SRBD1: variants seen among roughly 807,000 people sequenced by gnomAD.
SRBD1 encodes the protein S1 RNA-binding domain-containing protein 1.
SRBD1 carries 88 observed loss-of-function variants against 115.3 expected under a neutral mutation model. The observed-to-expected ratio is 0.76, with a 90% CI of 0.64 to 0.91. The LOEUF (loss-of-function observed/expected upper bound fraction) is 0.91, where lower values mean the gene tolerates loss of function less well. Ranked by LOEUF, SRBD1 falls within the 40% of genes least tolerant of loss-of-function variation. SRBD1 has a pLI of 0.00. For synonymous variants in SRBD1, 509 were observed against 407.7 expected (o/e 1.25, Z -2.99); for missense variants, 1,385 against 1,177.4 (o/e 1.18, Z -2.58).
At chr2:45,447,915 C>T (rs1187890727) in intron 16 of SRBD1, 2 of 152,094 alleles carry the variant, frequency 1.3e-5, no homozygotes, top group East Asian at 3.9e-4. Context: ...TCTTAACATA[C>T]AACATACAAC....
chr2:45,446,418 GGCAAAAATTCT>G lies in SRBD1; in HGVS notation c.2050-26535_2050-26525del, dbSNP rs139939116. ...ACTGAGGTAGGAGAACAAGAGAAGA[GGCAAAAATTCT>G]GCCATACCCTACCACAATTGAATCT... On this transcript the variant is annotated intron_variant, in intron 16 of 20. Transcript: ENST00000263736. Among the ~76,000 whole-genome samples, 1,103 of 152,094 alleles carry G rather than the reference GGCAAAAATTCT, an allele frequency of 7.3e-3. 14 individuals are homozygous for G. The highest frequency in any genetic ancestry group is 0.025 in the African/African-American group (1,056 of 41,506).
At chr2:45,574,969 C>A (rs938343370) in intron 7 of SRBD1, among the ~76,000 whole-genome samples, 2 of 152,156 alleles carry the variant, frequency 1.3e-5, no homozygotes, top group African/African-American at 2.4e-5. Context: ...CTGGAGCCAG[C>A]TGCCTTGTCG....
At chr2:45,393,755 T>C (rs1667071112) in intron 19 of SRBD1, among the ~76,000 whole-genome samples, 1 of 152,226 alleles carries the variant, frequency 6.6e-6, no homozygotes, top group Non-Finnish European at 1.5e-5. Flanking sequence ...ATCTGTTCCC[T>C]ACAATTTCAA....
At chr2:45,471,104 A>G (rs1428144193) in intron 16 of SRBD1, among the ~76,000 whole-genome samples, 1 of 152,204 alleles carries the variant, frequency 6.6e-6, no homozygotes, top group African/African-American at 2.4e-5. Context: ...AGTCCAGACT[A>G]AAAATAAATT....
chr2:45,427,084 A>G (rs13423490), intron 16 of SRBD1, among the ~76,000 whole-genome samples: 12,827 of 152,248 alleles, frequency 0.084, 722 homozygotes, highest in African/African-American at 0.15. Context: ...AACCCAATAC[A>G]AGGAAACTAA....
At chr2:45,479,057 T>C (rs555861674) in intron 15 of SRBD1, among the ~76,000 whole-genome samples, 6 of 152,284 alleles carry the variant, frequency 3.9e-5, no homozygotes, top group African/African-American at 4.8e-5. Flanking sequence ...GATATCACTA[T>C]TGTAATTGCT....
At chr2:45,439,792 GAA>G (rs11347213) in intron 16 of SRBD1, among the ~76,000 whole-genome samples, 3 of 142,596 alleles carry the variant, frequency 2.1e-5, no homozygotes, top group African/African-American at 7.6e-5. Flanking sequence ...AGATCATACC[GAA>G]AAAAAAAAAG....
intron 14 of SRBD1, among the ~76,000 whole-genome samples, chr2:45,545,311 A>AAAAAAAAAAAAAAAAAAAAAC (rs1558468100): frequency 7.0e-6 from 1 of 143,628 alleles, no homozygotes; most frequent in African/African-American, 2.7e-5. Context: ...AAAAAAAAAA[A>AAAAAAAAAAAAAAAAAAAAAC]AAAACAGATG....
At chr2:45,555,348 C>A (rs1272322302) in intron 10 of SRBD1, among the ~76,000 whole-genome samples, 2 of 152,136 alleles carry the variant, frequency 1.3e-5, no homozygotes, top group Non-Finnish European at 1.5e-5. Flanking sequence ...TGCACCACTG[C>A]ACTACAGCTA....
chr2:45,578,768 T>C (rs1038905065), intron 7 of SRBD1, among the ~76,000 whole-genome samples: 5 of 152,000 alleles, frequency 3.3e-5, no homozygotes, highest in African/African-American at 1.2e-4. Flanking sequence ...AAGACTAGAG[T>C]TCTAACATAC....
chr2:45,599,727 G>A lies in SRBD1; in HGVS notation c.370C>T (p.Pro124Ser). The change falls in exon 4 of 21, where the codon CCA (proline) becomes TCA (serine). Residue 124 changes from proline to serine, a missense_variant. Transcript: ENST00000263736. ...TTTTTAGTCCTTCGAACTGTATGTG[G>A]CTGCGCTGCACATTTCTGTTTTGTC... Reference protein sequence around the residue: ...AKTKQKCAAQPHTVRRTKKLK... With the variant: ...AKTKQKCAAQSHTVRRTKKLK... 6.2e-7 allele frequency: 1 copy of A among 1,614,138 alleles called. No homozygotes were observed. The highest frequency in any genetic ancestry group is 8.5e-7 in the Non-Finnish European group (1 of 1,180,038).
At chr2:45,590,566 A>C (rs1673688855) in intron 4 of SRBD1, among the ~76,000 whole-genome samples, 1 of 152,196 alleles carries the variant, frequency 6.6e-6, no homozygotes, top group African/African-American at 2.4e-5. Flanking sequence ...ATAATGAGTG[A>C]GTCTTACAAG....
intron 16 of SRBD1, among the ~76,000 whole-genome samples, chr2:45,438,057 A>G (rs1668553896): frequency 6.6e-6 from 1 of 152,194 alleles, no homozygotes; most frequent in South Asian, 2.1e-4. Flanking sequence ...CAATTGTAAC[A>G]AATGTGCCAT....
At chr2:45,428,922 A>G (rs1220107344) in intron 16 of SRBD1, among the ~76,000 whole-genome samples, 2 of 152,222 alleles carry the variant, frequency 1.3e-5, no homozygotes, top group East Asian at 1.9e-4. Context: ...AGAAGAACAG[A>G]GAGAAGAATC....
chr2:45,586,706 G>C (rs1285002662), intron 4 of SRBD1, among the ~76,000 whole-genome samples: 2 of 150,814 alleles, frequency 1.3e-5, no homozygotes, highest in Admixed American at 6.6e-5. Flanking sequence ...ATCACACCTG[G>C]CTAATTTTTT....
At chr2:45,597,505 G>C (rs747117823) in intron 4 of SRBD1, among the ~76,000 whole-genome samples, 6 of 151,912 alleles carry the variant, frequency 3.9e-5, no homozygotes, top group Middle Eastern at 3.2e-3. Flanking sequence ...AAATAAACTA[G>C]GGAGCTGTCA....
At chr2:45,452,613 A>G (rs942273137) in intron 16 of SRBD1, among the ~76,000 whole-genome samples, 8 of 152,064 alleles carry the variant, frequency 5.3e-5, no homozygotes, top group African/African-American at 7.2e-5. Context: ...GTTTCTAAAT[A>G]TAAGATAGCT....
chr2:45,494,269 T>C (rs912362666), intron 14 of SRBD1, among the ~76,000 whole-genome samples: 1 of 152,190 alleles, frequency 6.6e-6, no homozygotes, highest in African/African-American at 2.4e-5. Flanking sequence ...TGTATTCTTG[T>C]TTAAGTTTTT....
At chr2:45,501,661 G>A (rs1181308604) in intron 14 of SRBD1, among the ~76,000 whole-genome samples, 1 of 152,190 alleles carries the variant, frequency 6.6e-6, no homozygotes, top group Admixed American at 6.5e-5. Flanking sequence ...CTGGCTCGGA[G>A]GGTCCCACAC....
Sources: gnomAD v4.1 joint callset for allele counts (sites outside exome capture counted in the v4.1 genomes callset) on GRCh38, gnomAD v4.1.1 for gene constraint, MANE v1.5 for transcripts, NCBI Gene and HGNC (gene_info 2026-07-23, HGNC 2026-07-21) for gene names.